SDCBP: variants seen among roughly 807,000 people sequenced by gnomAD.
The protein encoded by SDCBP is syndecan binding protein, also known as syntenin-1.
A neutral mutation model predicts 30.5 loss-of-function variants in SDCBP; 22 were observed. The observed-to-expected ratio is 0.72, with a 90% CI of 0.52 to 1.03. The LOEUF is 1.03. Ranked by LOEUF, SDCBP falls within the 50% of genes least tolerant of loss-of-function variation. The probability of loss-of-function intolerance (pLI) is 0.00; values close to 1 mark genes in which losing one functional copy is unlikely to be tolerated. For missense variants in SDCBP, 304 were observed against 369.9 expected (o/e 0.82, Z 1.46); for synonymous variants, 103 against 118.7 (o/e 0.87, Z 0.86).
At chr8:58,580,424 T>C in intron 7 of SDCBP, 93 bp from the exon 8 acceptor site, 1 of 681,176 alleles carries the variant, frequency 1.5e-6, no homozygotes, top group Non-Finnish European at 2.6e-6. Context: ...TACCAAGACA[T>C]ATATTTTGTA....
intron 1 of SDCBP, among the ~76,000 whole-genome samples, chr8:58,555,141 T>C (rs558635533): frequency 5.9e-5 from 9 of 152,336 alleles, no homozygotes; most frequent in Non-Finnish European, 1.3e-4. Flanking sequence ...TATCAGCATA[T>C]ATAGCTTTCA....
At position 58,579,774 on chromosome 8, in the gene SDCBP, CA is replaced by C; in HGVS notation, c.731del (p.Gln244ArgfsTer6). 1 of 1,609,498 alleles carries C rather than the reference CA, an allele frequency of 6.2e-7. No homozygotes were observed. Among genetic ancestry groups the C allele is most frequent in the Non-Finnish European group, 8.5e-7 (1 of 1,178,024 alleles). ...TEHNICEING[Q>X]NVIGLKDSQI... ...ACATAACATCTGTGAAATCAATGGA[CA>C]GAATGTCATTGGATTGAAGGTAAGG... On this transcript the variant is annotated frameshift_variant, in exon 7 of 9. Transcript: ENST00000260130. LOFTEE classifies it high-confidence loss of function.
Position 58,576,001 on chromosome 8 carries a change from A to C in SDCBP, c.342A>C (p.Glu114Asp). The change falls in exon 5 of 9, where the codon GAA becomes GAC. Residue 114 changes from glutamate to aspartate, a missense_variant. Physicochemically the swap from Glu to Asp is conservative, Grantham distance 45. Transcript: ENST00000260130. ...CAGAAATTAAGCAAGGGATTCGTGA[A>C]GTCATTTTGTGTAAGGATCAAGATG... is the stretch of plus-strand genomic sequence containing the variant. ...RRAEIKQGIREVILCKDQDGK... is the reference protein window; with the variant it reads ...RRAEIKQGIRDVILCKDQDGK... 1.2e-6 allele frequency: 2 copies of C among 1,613,754 alleles called. No individual in the cohort carries two copies. The highest frequency in any genetic ancestry group is 1.3e-5 in the African/African-American group (1 of 75,046).
At chr8:58,566,321 GTTCT>G (rs746828517) in intron 2 of SDCBP, among the ~76,000 whole-genome samples, 15 of 152,098 alleles carry the variant, frequency 9.9e-5, no homozygotes, top group African/African-American at 3.6e-4. Flanking sequence ...TGACTAATCT[GTTCT>G]TTGTTTTCAT....
chr8:58,580,693 T>C, intron 8 of SDCBP, 85 bp downstream of exon 8: 1 of 755,588 alleles, frequency 1.3e-6, no homozygotes, highest in Admixed American at 2.4e-5. Context: ...CCTTTGGTTC[T>C]TTTACCCAAG....
intron 1 of SDCBP, among the ~76,000 whole-genome samples, chr8:58,556,508 G>A (rs1804112256): frequency 6.6e-6 from 1 of 152,112 alleles, no homozygotes; most frequent in Non-Finnish European, 1.5e-5. Context: ...ACCTTAAACA[G>A]TCACATGTCA....
rs1443650308 is a variant in SDCBP, at chr8:58,581,688, T to C, written c.845T>C (p.Met282Thr). The C allele has an allele frequency of 6.2e-7, 1 of 1,611,206 alleles. No individual in the cohort carries two copies. Among genetic ancestry groups the C allele is most frequent in the Non-Finnish European group, 8.5e-7 (1 of 1,177,554 alleles). ...TAATAAAAGTACCTCTCTTGTAGGATGGCACCAAGCATTATGAAAAGCCTA... is the reference window on the plus strand; with the variant it reads ...TAATAAAAGTACCTCTCTTGTAGGACGGCACCAAGCATTATGAAAAGCCTA... The part of the protein sequence containing the change: ...AFIFEHIIKR[M>T]APSIMKSLMD... The change falls in exon 9 of 9, where the codon ATG (methionine) becomes ACG (threonine). Residue 282 changes from methionine (M) to threonine (T), a missense_variant and splice_region_variant. Physicochemically the swap from Met to Thr is moderately conservative, Grantham distance 81. Transcript: ENST00000260130.
intron 1 of SDCBP, among the ~76,000 whole-genome samples, chr8:58,555,145 G>A (rs934346498): frequency 5.9e-5 from 9 of 152,092 alleles, no homozygotes; most frequent in Non-Finnish European, 1.0e-4. Flanking sequence ...AGCATATATA[G>A]CTTTCAAGTC....
intron 1 of SDCBP, among the ~76,000 whole-genome samples, chr8:58,555,866 C>G (rs908680619): frequency 6.6e-6 from 1 of 151,670 alleles, no homozygotes; most frequent in Non-Finnish European, 1.5e-5. Context: ...ATGAGCCATA[C>G]GGTTCCTGGC....
chr8:58,573,300 C>T (rs1017292369), intron 4 of SDCBP, among the ~76,000 whole-genome samples: 98 of 152,192 alleles, frequency 6.4e-4, no homozygotes, highest in African/African-American at 2.3e-3. Context: ...AATGCATATA[C>T]AGTACCTGGC....
chr8:58,565,808 G>A (rs1014513072), intron 2 of SDCBP, among the ~76,000 whole-genome samples: 1 of 151,940 alleles, frequency 6.6e-6, no homozygotes, highest in Non-Finnish European at 1.5e-5. Flanking sequence ...ATTTGTTTAC[G>A]GTTAGCTTTC....
intron 2 of SDCBP, among the ~76,000 whole-genome samples, chr8:58,567,666 G>T (rs538127610): frequency 3.9e-5 from 6 of 152,140 alleles, no homozygotes; most frequent in Non-Finnish European, 8.8e-5. Flanking sequence ...CAGTTTTGTC[G>T]TGCAAACATT....
chr8:58,573,275 T>C (rs879490200), intron 4 of SDCBP, among the ~76,000 whole-genome samples: 3 of 152,224 alleles, frequency 2.0e-5, no homozygotes, highest in Admixed American at 1.3e-4. Flanking sequence ...TGTGTCTGTC[T>C]TGTTGCCATA....
intron 2 of SDCBP, among the ~76,000 whole-genome samples, chr8:58,568,661 G>A (rs1804841987): frequency 6.6e-6 from 1 of 152,124 alleles, no homozygotes; most frequent in African/African-American, 2.4e-5. Flanking sequence ...GAGTTGTTCT[G>A]TGTGACGGCA....
At chr8:58,581,157 T>C (rs922194403) in intron 8 of SDCBP, among the ~76,000 whole-genome samples, 3 of 152,232 alleles carry the variant, frequency 2.0e-5, no homozygotes, top group African/African-American at 7.2e-5. Flanking sequence ...GCATCTACCA[T>C]AGCTGTTTTT....
At chr8:58,561,980 A>G (rs145313749) in intron 1 of SDCBP, among the ~76,000 whole-genome samples, 2,577 of 152,208 alleles carry the variant, frequency 0.017, 35 homozygotes, top group African/African-American at 0.036. Context: ...AAATAGGTTT[A>G]TTAGAAGATG....
chr8:58,579,497 A>G, intron 6 of SDCBP, 126 bp from the exon 7 acceptor site: 1 of 618,524 alleles, frequency 1.6e-6, no homozygotes, highest in Non-Finnish European at 2.4e-6. Context: ...CAGAGCCATA[A>G]GTTGCTCTTA....
chr8:58,562,039 A>G (rs1440187214), intron 1 of SDCBP, among the ~76,000 whole-genome samples: 1 of 151,910 alleles, frequency 6.6e-6, no homozygotes, highest in Non-Finnish European at 1.5e-5. Flanking sequence ...TATAGAAAAT[A>G]CACACACACA....
intron 1 of SDCBP, among the ~76,000 whole-genome samples, chr8:58,556,984 T>C (rs1450805061): frequency 7.2e-6 from 1 of 139,400 alleles, no homozygotes; most frequent in Admixed American, 7.4e-5. Flanking sequence ...TAACATAATA[T>C]ATATTGTATA....
Sources: gnomAD v4.1 joint callset for allele counts (sites outside exome capture counted in the v4.1 genomes callset) on GRCh38, gnomAD v4.1.1 for gene constraint, MANE v1.5 for transcripts, NCBI Gene and HGNC (gene_info 2026-07-23, HGNC 2026-07-21) for gene names.